The following RPGRIP1 variants were observed in gnomAD, a reference collection of about 807,000 sequenced individuals.
The protein encoded by RPGRIP1 is X-linked retinitis pigmentosa GTPase regulator-interacting protein 1.
RPGRIP1 carries 128 observed loss-of-function variants against 157.9 expected under a neutral mutation model. The observed-to-expected ratio is 0.81, with a 90% CI of 0.70 to 0.94. The LOEUF is 0.94. Among genes scored for constraint, RPGRIP1 ranks in the 40% least tolerant of loss-of-function variants. The pLI, the probability that RPGRIP1 is intolerant of heterozygous loss-of-function variation, is 0.00. For synonymous variants in RPGRIP1, 554 were observed against 571.6 expected, an observed-to-expected ratio of 0.97 and a Z score of 0.44; for missense variants, 1,486 against 1,545.8, an observed-to-expected ratio of 0.96 and a Z score of 0.65.
At chr14:21,349,506 G>C (rs1423500174) in intron 24 of RPGRIP1, among the ~76,000 whole-genome samples, 1 of 148,522 alleles carries the variant, frequency 6.7e-6, no homozygotes, top group Non-Finnish European at 1.5e-5. Context: ...TTAATCAAGC[G>C]ATTTTCCTGC....
At chr14:21,336,685 A>G (rs1884401096) in intron 21 of RPGRIP1, among the ~76,000 whole-genome samples, 1 of 152,226 alleles carries the variant, frequency 6.6e-6, no homozygotes, top group South Asian at 2.1e-4. Context: ...ACACTTCTAT[A>G]TTACCAAGGT....
chr14:21,328,972 T>G (rs1566349291), intron 19 of RPGRIP1, among the ~76,000 whole-genome samples: 1 of 151,962 alleles, frequency 6.6e-6, no homozygotes, highest in African/African-American at 2.4e-5. Flanking sequence ...GGTGAAACCC[T>G]GTCTCTACTA....
At chr14:21,305,522 C>T (rs1225028738) in intron 6 of RPGRIP1, among the ~76,000 whole-genome samples, 2 of 152,120 alleles carry the variant, frequency 1.3e-5, no homozygotes, top group Non-Finnish European at 2.9e-5. Flanking sequence ...CATTATGTGT[C>T]GTTTTTTGTA....
chr14:21,312,387 G>C (rs1881576044), intron 9 of RPGRIP1, 46 bp from the exon 10 acceptor site: 2 of 1,364,472 alleles, frequency 1.5e-6, no homozygotes. Context: ...CCTGTGCAGG[G>C]GAATAGATTT....
At chr14:21,333,924 C>CTTTTTT (rs372543522) in intron 20 of RPGRIP1, among the ~76,000 whole-genome samples, 1 of 130,540 alleles carries the variant, frequency 7.7e-6, no homozygotes, top group Non-Finnish European at 1.6e-5. Context: ...TTGAGGCCAC[C>CTTTTTT]TTTTTTTTTT....
intron 3 of RPGRIP1, among the ~76,000 whole-genome samples, chr14:21,299,581 C>A (rs1282378904): frequency 2.6e-5 from 4 of 152,152 alleles, no homozygotes; most frequent in Admixed American, 6.6e-5. Flanking sequence ...AAGCATTTTA[C>A]ATATATATTT....
At chr14:21,320,454 T>C (rs1390870528) in intron 12 of RPGRIP1, among the ~76,000 whole-genome samples, 2 of 150,308 alleles carry the variant, frequency 1.3e-5, no homozygotes, top group Non-Finnish European at 1.5e-5. Flanking sequence ...CCTCGCCCGG[T>C]TAATTTTTTT....
intron 24 of RPGRIP1, among the ~76,000 whole-genome samples, chr14:21,350,490 G>T (rs1886134861): frequency 6.6e-6 from 1 of 151,884 alleles, no homozygotes; most frequent in African/African-American, 2.4e-5. Flanking sequence ...TATTCTTACT[G>T]ATCATTATAA....
In RPGRIP1 at chr14:21,307,825, G is replaced by T. The variant is rs550626567; in HGVS notation, c.895G>T (p.Glu299Ter). ...GGTTATGACAAAAGCACAATTAACA[G>T]AAGTTCAAGAGGTGAGTTGCCATCA... is the stretch of plus-strand genomic sequence containing the variant. ...SLVMTKAQLTEVQEAYETLLQ... is the reference protein window; with the variant it reads ...SLVMTKAQLT Residue 299 changes from glutamate to a stop codon, truncating the protein, a stop_gained, in exon 7 of 25, where the codon GAA becomes TAA. Coordinates refer to ENST00000400017, the MANE Select transcript of RPGRIP1 (RefSeq NM_020366.4). LOFTEE classifies it high-confidence loss of function. 6.4e-7 allele frequency: 1 copy of T among 1,555,830 alleles called. No homozygotes were observed. Among genetic ancestry groups the T allele is most frequent in the Non-Finnish European group, 8.7e-7 (1 of 1,149,400 alleles).
chr14:21,289,357 C>T (rs1242085632), intron 2 of RPGRIP1, among the ~76,000 whole-genome samples: 19 of 151,984 alleles, frequency 1.3e-4, no homozygotes, highest in Non-Finnish European at 2.9e-5. Context: ...CCATATTTTT[C>T]TAACTTTGGC....
At position 21,327,804 on chromosome 14, in the gene RPGRIP1, C is replaced by T. The variant is rs1883271927; in HGVS notation, c.2892C>T (p.Ser964=). 1.3e-6 allele frequency: 2 copies of T among 1,588,522 alleles called. No individual in the cohort carries two copies. The highest frequency in any genetic ancestry group is 1.3e-5 in the African/African-American group (1 of 74,144). Residue 964 remains serine, a synonymous_variant, in exon 18 of 25, where the codon TCC becomes TCT. Coordinates refer to ENST00000400017, the MANE Select transcript of RPGRIP1 (RefSeq NM_020366.4). The part of the protein sequence containing the change: ...SSEEEKASFP[S]QDQMASPEVP... Reference sequence around the variant, plus strand: ...AAGAGGAAAAGGCTTCATTTCCTTCCCAGGTAACTCTCCAGGACTCCACAG... The same window carrying T: ...AAGAGGAAAAGGCTTCATTTCCTTCTCAGGTAACTCTCCAGGACTCCACAG...
At chr14:21,299,116 A>G (rs557162883) in intron 3 of RPGRIP1, among the ~76,000 whole-genome samples, 2 of 151,676 alleles carry the variant, frequency 1.3e-5, no homozygotes, top group African/African-American at 4.8e-5. Context: ...CTCAGATTCA[A>G]GCGATTCTCC....
chr14:21,314,431 A>G (rs1042078032), intron 10 of RPGRIP1, among the ~76,000 whole-genome samples: 1 of 152,100 alleles, frequency 6.6e-6, no homozygotes, highest in African/African-American at 2.4e-5. Context: ...ATGAGCATGT[A>G]TTCATGCATT....
At chr14:21,304,195 A>T (rs1881173597) in intron 6 of RPGRIP1, among the ~76,000 whole-genome samples, 1 of 150,744 alleles carries the variant, frequency 6.6e-6, no homozygotes, top group Non-Finnish European at 1.5e-5. Flanking sequence ...GGTGCCTGTA[A>T]TCCCAGCTAC....
Position 21,296,058 on chromosome 14 carries a change from C to T in RPGRIP1, c.218+1249C>T, listed in dbSNP as rs145484841. 6.9e-4 allele frequency among the ~76,000 whole-genome samples: 105 copies of T among 152,100 alleles called. No individual in the cohort carries two copies. In the East Asian group the frequency reaches 0.019, roughly 27 times the overall value. On this transcript the variant is annotated intron_variant, in intron 3 of 24. Transcript: ENST00000400017. ...TCAAGCAACTCTCCTGTCTCAGCCTCCCAAGTAGCTGTGACTACAGGCACA... is the reference window on the plus strand; with the variant it reads ...TCAAGCAACTCTCCTGTCTCAGCCTTCCAAGTAGCTGTGACTACAGGCACA...
At chr14:21,284,578 CTT>C (rs1321375712) in intron 1 of RPGRIP1, among the ~76,000 whole-genome samples, 4 of 133,676 alleles carry the variant, frequency 3.0e-5, no homozygotes, top group Admixed American at 8.5e-5. Flanking sequence ...GAATCTCTCT[CTT>C]GTCACCCAGG....
rs1429612086 is a variant in RPGRIP1, at chr14:21,301,152, C to T, written c.405C>T (p.Ser135=). 18 of 1,594,552 alleles carry T rather than the reference C, an allele frequency of 1.1e-5. No homozygotes were observed. The highest frequency in any genetic ancestry group is 1.5e-5 in the Non-Finnish European group (17 of 1,170,932). Residue 135 remains serine (S), a synonymous_variant, in exon 4 of 25, where the codon AGC becomes AGT. Coordinates refer to ENST00000400017, the MANE Select transcript of RPGRIP1 (RefSeq NM_020366.4). ...QGHFHCVGPA[S]PRRAQPRVQV... ...ATTTCCACTGCGTCGGCCCTGCCAG[C>T]CCCCGCCGCGCCCAGCCTCGCGTCC...
rs1176931095 is a variant in RPGRIP1, at chr14:21,317,736, AGCAACGAG to A, written c.1193_1200del (p.Ser398ThrfsTer20). On this transcript the variant is annotated frameshift_variant, in exon 11 of 25. Transcript: ENST00000400017. LOFTEE classifies it high-confidence loss of function. ...TGACAGCTCCAGTCAGCCCCACTGG[AGCAACGAG>A]CTCATAGCGGAACAGCTACAGCAGC... 1 of 1,590,440 alleles carries A rather than the reference AGCAACGAG, an allele frequency of 6.3e-7. No homozygotes were observed. The highest frequency in any genetic ancestry group is 8.6e-7 in the Non-Finnish European group (1 of 1,168,436).
chr14:21,311,786 A>G (rs750522035), intron 8 of RPGRIP1, 38 bp from the exon 9 acceptor site: 12 of 1,564,624 alleles, frequency 7.7e-6, no homozygotes, highest in Non-Finnish European at 9.5e-6. Flanking sequence ...GTGCTGAGTG[A>G]TATGACCATT....
Sources: allele counts gnomAD v4.1 joint callset (sites outside exome capture counted in the v4.1 genomes callset), GRCh38; gene constraint gnomAD v4.1.1; transcripts MANE v1.5; gene names NCBI Gene and HGNC (gene_info 2026-07-23, HGNC 2026-07-21).